Variants in SLC39A12 observed in about 807,000 individuals in gnomAD.
The protein encoded by SLC39A12 is zinc transporter ZIP12.
In SLC39A12, 63 loss-of-function variants were observed where a neutral mutation model predicts 71.1. The observed-to-expected ratio is 0.89, with a 90% CI of 0.72 to 1.09. SLC39A12 has a LOEUF of 1.09. SLC39A12 is among the 50% of genes least tolerant of loss of function. The pLI is 0.00. For missense variants in SLC39A12, 892 were observed against 812.6 expected, an observed-to-expected ratio of 1.10 and a Z score of -1.19; for synonymous variants, 351 against 301.3, an observed-to-expected ratio of 1.16 and a Z score of -1.71.
At chr10:18,040,797 A>G (rs1837203770) in intron 12 of SLC39A12, among the ~76,000 whole-genome samples, 2 of 150,930 alleles carry the variant, frequency 1.3e-5, no homozygotes, top group Non-Finnish European at 2.9e-5. Context: ...GTGTCAAGCC[A>G]TTTTCTATTG....
intron 2 of SLC39A12, among the ~76,000 whole-genome samples, chr10:17,953,828 T>C (rs981154412): frequency 6.6e-6 from 1 of 152,218 alleles, no homozygotes; most frequent in East Asian, 1.9e-4. Context: ...TTAGTCCTCT[T>C]TTCTGATTGA....
chr10:18,035,149 T>C (rs1369355200), intron 12 of SLC39A12, among the ~76,000 whole-genome samples: 9 of 148,672 alleles, frequency 6.1e-5, no homozygotes, highest in African/African-American at 2.3e-4. Context: ...TCTCGAGGAG[T>C]ATCTTTGTGG....
intron 11 of SLC39A12, among the ~76,000 whole-genome samples, chr10:18,001,207 G>A (rs1835825077): frequency 1.3e-5 from 2 of 152,186 alleles, no homozygotes; most frequent in Non-Finnish European, 2.9e-5. Flanking sequence ...GGGCCAGTAA[G>A]ATAAAATAAC....
rs1837298466 is a variant in SLC39A12, at chr10:18,042,864, AT to A, written c.*34del. 6.3e-7 allele frequency: 1 copy of A among 1,580,556 alleles called. No homozygotes were observed. The highest frequency in any genetic ancestry group is 1.7e-4 in the Middle Eastern group (1 of 5,952). Reference sequence around the variant, plus strand: ...GATCTTCAACATCTTTCAAAAATGCATTTATATAGTCTTACTTTGTTTCTTT... The same window carrying A: ...GATCTTCAACATCTTTCAAAAATGCATTATATAGTCTTACTTTGTTTCTTT... On this transcript the variant is annotated 3_prime_UTR_variant, in exon 13 of 13. Coordinates refer to ENST00000377369, the MANE Select transcript of SLC39A12 (RefSeq NM_001145195.2).
At chr10:17,997,078 A>G (rs1198908676) in intron 10 of SLC39A12, among the ~76,000 whole-genome samples, 1 of 152,086 alleles carries the variant, frequency 6.6e-6, no homozygotes, top group Non-Finnish European at 1.5e-5. Context: ...TAATGCACCA[A>G]CAATTTTTTT....
At chr10:17,997,757 G>A (rs190681741) in intron 10 of SLC39A12, among the ~76,000 whole-genome samples, 190 of 152,116 alleles carry the variant, frequency 1.2e-3, no homozygotes, top group African/African-American at 4.2e-3. Flanking sequence ...TACCTCATCC[G>A]TGGAACTCAA....
intron 3 of SLC39A12, 22 bp downstream of exon 3, chr10:17,961,884 C>G: frequency 6.2e-7 from 1 of 1,600,488 alleles, no homozygotes. Context: ...AAATTGCTAA[C>G]TGGCTCTGCT....
chr10:17,991,394 G>A, intron 8 of SLC39A12, 91 bp downstream of exon 8: 3 of 1,105,804 alleles, frequency 2.7e-6, no homozygotes, highest in Non-Finnish European at 3.7e-6. Context: ...AAGTAATGAA[G>A]TTGCCTGTGT....
intron 7 of SLC39A12, among the ~76,000 whole-genome samples, chr10:17,990,119 G>A (rs1835505568): frequency 6.6e-6 from 1 of 152,094 alleles, no homozygotes. Flanking sequence ...TTGAGATCTG[G>A]GGTTTTTCTT....
chr10:18,000,892 G>T (rs16916742), intron 11 of SLC39A12, 67 bp downstream of exon 11: 59,852 of 1,431,646 alleles, frequency 0.042, 1,686 homozygotes, highest in South Asian at 0.089. Context: ...TCCAGCTATG[G>T]TTTACTAGGA....
chr10:18,040,567 C>G (rs1837194766), intron 12 of SLC39A12, among the ~76,000 whole-genome samples: 1 of 151,982 alleles, frequency 6.6e-6, no homozygotes, highest in African/African-American at 2.4e-5. Context: ...GTCAGGAGTT[C>G]AAGACTAGCC....
chr10:18,037,355 A>C (rs1305491913), intron 12 of SLC39A12, among the ~76,000 whole-genome samples: 1 of 152,172 alleles, frequency 6.6e-6, no homozygotes, highest in Non-Finnish European at 1.5e-5. Flanking sequence ...TAATTAGACC[A>C]ATTCGCCCTT....
chr10:18,041,236 C>T (rs1373128182), intron 12 of SLC39A12, among the ~76,000 whole-genome samples: 1 of 151,996 alleles, frequency 6.6e-6, no homozygotes, highest in East Asian at 1.9e-4. Context: ...TGGTGTTAGG[C>T]CATTTCACAA....
At chr10:17,962,218 T>C (rs781832745) in intron 3 of SLC39A12, among the ~76,000 whole-genome samples, 20 of 152,200 alleles carry the variant, frequency 1.3e-4, no homozygotes, top group Non-Finnish European at 2.6e-4. Context: ...AATGTTTCTA[T>C]TTGCCTTGCC....
Position 17,978,010 on chromosome 10 carries a change from A to T in SLC39A12, c.860A>T (p.Asp287Val), listed in dbSNP as rs1275653293. ...AACAACATAATAACCCATGATCAGGACTATTCTAATTTCTCTTCATCCATG... is the reference window on the plus strand; with the variant it reads ...AACAACATAATAACCCATGATCAGGTCTATTCTAATTTCTCTTCATCCATG... ...KQNNIITHDQ[D>V]YSNFSSSMEK... Residue 287 changes from aspartate to valine, a missense_variant, in exon 5 of 13, where the codon GAC becomes GTC. By Grantham distance (152) the Asp-to-Val change is radical. Transcript: ENST00000377369. The T allele has an allele frequency of 2.5e-6, 4 of 1,607,952 alleles. No homozygotes were observed. The highest frequency in any genetic ancestry group is 3.4e-6 in the Non-Finnish European group (4 of 1,177,736).
At chr10:17,973,597 G>T (rs1051890095) in intron 4 of SLC39A12, among the ~76,000 whole-genome samples, 9 of 152,108 alleles carry the variant, frequency 5.9e-5, no homozygotes, top group African/African-American at 2.2e-4. Flanking sequence ...TGAAAAGTCT[G>T]CTGTCAGACA....
chr10:17,980,346 T>A (rs1835221114), intron 5 of SLC39A12, among the ~76,000 whole-genome samples: 1 of 151,206 alleles, frequency 6.6e-6, no homozygotes, highest in Non-Finnish European at 1.5e-5. Context: ...TTAAAAAAAA[T>A]CTCTATACAG....
intron 12 of SLC39A12, among the ~76,000 whole-genome samples, chr10:18,008,198 T>G (rs1466917602): frequency 6.6e-6 from 1 of 152,126 alleles, no homozygotes; most frequent in Non-Finnish European, 1.5e-5. Context: ...AAGCGAAGCT[T>G]CATCTGTACT....
chr10:18,021,144 G>A (rs898981778), intron 12 of SLC39A12, among the ~76,000 whole-genome samples: 2 of 151,838 alleles, frequency 1.3e-5, no homozygotes, highest in African/African-American at 2.4e-5. Context: ...GTTGATTTTT[G>A]TATATGGTGA....
Sources: gnomAD v4.1 joint callset for allele counts (sites outside exome capture counted in the v4.1 genomes callset) on GRCh38, gnomAD v4.1.1 for gene constraint, MANE v1.5 for transcripts, NCBI Gene and HGNC (gene_info 2026-07-23, HGNC 2026-07-21) for gene names.